The following MYO16 variants were observed in gnomAD, a reference collection of about 807,000 sequenced individuals.
The protein encoded by MYO16 is unconventional myosin-XVI.
In MYO16, 94 loss-of-function variants were observed where a neutral mutation model predicts 205.3. The ratio of observed to expected loss-of-function variants is 0.46; its 90% CI spans 0.39 to 0.54. The LOEUF (loss-of-function observed/expected upper bound fraction) is 0.54. MYO16 is among the 20% of genes least tolerant of loss of function. The pLI is 0.00. For missense variants in MYO16, 2,315 were observed against 2,387.5 expected (o/e 0.97, Z 0.63); for synonymous variants, 988 against 954.0 (o/e 1.04, Z -0.66).
intron 1 of MYO16, among the ~76,000 whole-genome samples, chr13:108,630,135 G>T (rs1297329908): frequency 7.2e-6 from 1 of 139,622 alleles, no homozygotes; most frequent in Non-Finnish European, 1.5e-5. Context: ...CATAGACACA[G>T]CAACCAGAAA....
At chr13:108,873,656 C>T (rs1879182064) in intron 12 of MYO16, among the ~76,000 whole-genome samples, 1 of 129,576 alleles carries the variant, frequency 7.7e-6, no homozygotes, top group Admixed American at 7.9e-5. Context: ...GGGTCCATGC[C>T]AACCAACCAG....
chr13:109,004,637 G>A (rs1885329782), intron 21 of MYO16, among the ~76,000 whole-genome samples: 1 of 152,122 alleles, frequency 6.6e-6, no homozygotes, highest in Admixed American at 6.5e-5. Context: ...ACCATTACTG[G>A]AGATTTATGC....
At chr13:108,566,845 G>A in the MYO16 span, among the ~76,000 whole-genome samples, 658 of 152,114 alleles carry the variant, frequency 4.3e-3, 4 homozygotes, top group African/African-American at 0.016. Context: ...GTGATAACAA[G>A]GAAAAATAAA....
In MYO16 at chr13:108,962,512, C is replaced by T. The variant is rs759356862; in HGVS notation, c.2227+17C>T. 11 of 1,516,586 alleles carry T rather than the reference C, an allele frequency of 7.3e-6. No individual in the cohort carries two copies. The highest frequency in any genetic ancestry group is 1.4e-5 in the African/African-American group (1 of 71,500). The allele number at this position is 1,516,586 out of a possible 1,614,324, so 93.9% of individuals were successfully genotyped here. ...ATTTTAAAGGTAATTTTTTTATGCT[C>T]TAACATCTTTGTGCAATTTAGAATC... On this transcript the variant is annotated intron_variant, in intron 19 of 34. Coordinates refer to ENST00000457511, the MANE Select transcript of MYO16 (RefSeq NM_001198950.3).
At chr13:108,968,048 C>A (rs1883863177) in intron 20 of MYO16, among the ~76,000 whole-genome samples, 1 of 152,172 alleles carries the variant, frequency 6.6e-6, no homozygotes, top group Non-Finnish European at 1.5e-5. Context: ...GTCATTATTA[C>A]AAAACTCATG....
intron 23 of MYO16, among the ~76,000 whole-genome samples, chr13:109,038,866 T>C (rs1886796168): frequency 6.6e-6 from 1 of 152,196 alleles, no homozygotes; most frequent in East Asian, 1.9e-4. Context: ...ATCTTATTAC[T>C]GTGCTAAGAT....
At chr13:108,750,100 G>C (rs1163427653) in intron 4 of MYO16, among the ~76,000 whole-genome samples, 2 of 152,192 alleles carry the variant, frequency 1.3e-5, no homozygotes, top group Non-Finnish European at 2.9e-5. Context: ...GGGATTTGGA[G>C]ATCGAAGAGG....
chr13:109,010,296 C>T (rs1237628472), intron 22 of MYO16, among the ~76,000 whole-genome samples: 1 of 152,128 alleles, frequency 6.6e-6, no homozygotes, highest in African/African-American at 2.4e-5. Context: ...CTATTTTTGT[C>T]TTTAGGCACT....
Position 109,115,455 on chromosome 13 carries a change from C to T in MYO16, c.3439-4915C>T, listed in dbSNP as rs186678857. On this transcript the variant is annotated intron_variant, in intron 28 of 34. Transcript: ENST00000457511. The stretch of plus-strand genomic sequence containing the variant: ...CAGAATGACATTAACATTTTAATCT[C>T]AGCTAGGAACACTCTGCATCTAGCA... Among the ~76,000 whole-genome samples, 364 of 152,216 alleles carry T rather than the reference C, an allele frequency of 2.4e-3. 1 individual carries two copies. The highest frequency in any genetic ancestry group is 4.3e-3 in the Admixed American group (65 of 15,286).
chr13:109,181,204 A>T (rs532988844), intron 34 of MYO16, among the ~76,000 whole-genome samples: 1 of 151,412 alleles, frequency 6.6e-6, no homozygotes, highest in Non-Finnish European at 1.5e-5. Flanking sequence ...AAATGCAGAC[A>T]TCCCTGATGA....
At chr13:108,985,484 A>G (rs277798) in intron 20 of MYO16, among the ~76,000 whole-genome samples, 121,025 of 152,228 alleles carry the variant, frequency 0.8, 48,262 homozygotes, top group South Asian at 0.88. Flanking sequence ...ACAGCGTAGC[A>G]TGTAGCTGAC....
At chr13:109,098,551 G>T (rs56212998) in intron 27 of MYO16, among the ~76,000 whole-genome samples, 2 of 152,136 alleles carry the variant, frequency 1.3e-5, no homozygotes, top group African/African-American at 4.8e-5. Context: ...CGTTGTCATG[G>T]AGAAGAATTG....
At chr13:108,715,149 G>T (rs539550579) in intron 3 of MYO16, among the ~76,000 whole-genome samples, 1 of 152,184 alleles carries the variant, frequency 6.6e-6, no homozygotes, top group Non-Finnish European at 1.5e-5. Flanking sequence ...TTCCCTCTGC[G>T]CTCTGCTCTG....
At chr13:108,521,511 G>GT in the MYO16 span, among the ~76,000 whole-genome samples, 5 of 152,158 alleles carry the variant, frequency 3.3e-5, no homozygotes, top group East Asian at 9.6e-4. Context: ...GAAGAGTCTT[G>GT]TTTTTTAATT....
intron 12 of MYO16, among the ~76,000 whole-genome samples, chr13:108,873,800 ATGCCAACCAACCAGGACAGGG>A (rs1271730758): frequency 3.9e-5 from 6 of 152,222 alleles, no homozygotes; most frequent in African/African-American, 9.6e-5. Context: ...GACAGGGTCC[ATGCCAACCAACCAGGACAGGG>A]TCCATGATTG....
At chr13:108,846,442 G>A (rs948597350) in intron 10 of MYO16, among the ~76,000 whole-genome samples, 7 of 151,502 alleles carry the variant, frequency 4.6e-5, no homozygotes, top group South Asian at 4.2e-4. Context: ...CTCACCTTTA[G>A]CTTTTACAAA....
At chr13:108,577,845 T>C in the MYO16 span, among the ~76,000 whole-genome samples, 2 of 152,200 alleles carry the variant, frequency 1.3e-5, no homozygotes, top group Non-Finnish European at 2.9e-5. Context: ...TAAAAATCCC[T>C]AAACTTGCCC....
chr13:109,036,517 G>A (rs565258408), intron 23 of MYO16, among the ~76,000 whole-genome samples: 172 of 152,254 alleles, frequency 1.1e-3, no homozygotes, highest in Non-Finnish European at 2.1e-3. Flanking sequence ...GCCGCATACT[G>A]TCACTGCTCT....
At chr13:108,536,137 T>C in the MYO16 span, among the ~76,000 whole-genome samples, 1 of 152,158 alleles carries the variant, frequency 6.6e-6, no homozygotes, top group African/African-American at 2.4e-5. Flanking sequence ...GAATATATAG[T>C]GTAGGCTAAG....
Sources: allele counts gnomAD v4.1 joint callset (sites outside exome capture counted in the v4.1 genomes callset), GRCh38; gene constraint gnomAD v4.1.1; transcripts MANE v1.5; gene names NCBI Gene and HGNC (gene_info 2026-07-23, HGNC 2026-07-21).